ACOT12: variants seen among roughly 807,000 people sequenced by gnomAD.
The protein encoded by ACOT12 is acyl-CoA thioesterase 12, also known as acetyl-coenzyme A thioesterase.
ACOT12 carries 51 observed loss-of-function variants against 67.7 expected under a neutral mutation model. The ratio of observed to expected loss-of-function variants is 0.75; its 90% CI spans 0.60 to 0.95. The LOEUF is 0.95. Among genes scored for constraint, ACOT12 ranks in the 40% least tolerant of loss-of-function variants. ACOT12 has a pLI of 0.00. For synonymous variants in ACOT12, 251 were observed against 244.6 expected, an observed-to-expected ratio of 1.03 and a Z score of -0.24; for missense variants, 734 against 708.1, an observed-to-expected ratio of 1.04 and a Z score of -0.41.
At chr5:81,377,378 A>G (rs560161681) in intron 2 of ACOT12, among the ~76,000 whole-genome samples, 29 of 152,324 alleles carry the variant, frequency 1.9e-4, no homozygotes, top group African/African-American at 6.5e-4. Context: ...CCCACAGCCA[A>G]TATAATACTG....
Position 81,394,134 on chromosome 5 carries a change from C to G in ACOT12, c.-20G>C, listed in dbSNP as rs13178695. On this transcript the variant is annotated 5_prime_UTR_variant, in exon 1 of 15. Transcript: ENST00000307624. The stretch of plus-strand genomic sequence containing the variant: ...CTCCATGGCCAGGGCGAGAGCGCTA[C>G]GCCTGCGGCCCCCGACACCCCACCA... 9.9e-5 allele frequency: 139 copies of G among 1,406,020 alleles called. No homozygotes were observed. The highest frequency in any genetic ancestry group is 5.0e-4 in the Middle Eastern group (2 of 3,986). 87.1% of individuals were successfully genotyped at this position (1,406,020 alleles called of 1,614,324 possible).
At position 81,345,951 on chromosome 5, in the gene ACOT12, CG is replaced by C; in HGVS notation, c.706del (p.Arg236GlyfsTer90). Reference protein sequence around the residue: ...FLKSVDMFKFRGPSTVGDRLV... With the variant: ...FLKSVDMFKFXGPSTVGDRLV... ...ACGATCTCCAACTGTAGATGGTCCC[CG>C]GAACTTAAACATATCTACGGACTTC... On this transcript the variant is annotated frameshift_variant, in exon 7 of 15. Transcript: ENST00000307624. LOFTEE classifies it high-confidence loss of function. 6.2e-7 allele frequency: 1 copy of C among 1,613,912 alleles called. No homozygotes were observed. Among genetic ancestry groups the C allele is most frequent in the Non-Finnish European group, 8.5e-7 (1 of 1,179,924 alleles).
chr5:81,321,563 A>C, the ACOT12 span, among the ~76,000 whole-genome samples: 4 of 152,234 alleles, frequency 2.6e-5, no homozygotes, highest in Non-Finnish European at 5.9e-5. Flanking sequence ...ACAAACAAAC[A>C]AAAAACTACC....
chr5:81,391,662 G>A (rs1322297624), intron 1 of ACOT12, among the ~76,000 whole-genome samples: 1 of 152,212 alleles, frequency 6.6e-6, no homozygotes, highest in Non-Finnish European at 1.5e-5. Context: ...TACTTTAGAA[G>A]CAGTGTGGAG....
chr5:81,339,283 G>A (rs1759112934), intron 11 of ACOT12, among the ~76,000 whole-genome samples: 1 of 152,210 alleles, frequency 6.6e-6, no homozygotes, highest in Non-Finnish European at 1.5e-5. Flanking sequence ...GCGGAGCTCT[G>A]GGCCCAGCCC....
chr5:81,363,949 A>T lies in ACOT12; in HGVS notation c.259-60T>A, dbSNP rs1311483069. On this transcript the variant is annotated intron_variant, in intron 3 of 14. Coordinates refer to ENST00000307624, the MANE Select transcript of ACOT12 (RefSeq NM_130767.3). ...GGCCAGTTCAGATTTCAGCATTCAA[A>T]ATTTAGTCATATGTATGCACCATTA... The T allele has an allele frequency of 3.2e-6, 4 of 1,254,290 alleles. No homozygotes were observed. The African/African-American group carries it at 6.1e-5, about 19-fold the overall frequency. The allele number at this position is 1,254,290 out of a possible 1,614,324, so 77.7% of individuals were successfully genotyped here.
intron 5 of ACOT12, among the ~76,000 whole-genome samples, chr5:81,350,494 T>C (rs1451427991): frequency 3.9e-5 from 6 of 152,228 alleles, no homozygotes; most frequent in African/African-American, 1.2e-4. Flanking sequence ...CTTCCAGATC[T>C]TGAAGCCTTG....
the ACOT12 span, among the ~76,000 whole-genome samples, chr5:81,316,092 G>A: frequency 6.6e-6 from 1 of 152,174 alleles, no homozygotes; most frequent in East Asian, 1.9e-4. Context: ...GGTGGGGGCA[G>A]TATCACACTG....
chr5:81,346,138 G>T, intron 6 of ACOT12, 134 bp from the exon 7 acceptor site: 1 of 1,368,816 alleles, frequency 7.3e-7, no homozygotes, highest in Non-Finnish European at 9.7e-7. Context: ...GTGGGTTGAG[G>T]GTAGGTCTGC....
At chr5:81,339,894 T>C (rs1192607881) in intron 11 of ACOT12, among the ~76,000 whole-genome samples, 1 of 133,788 alleles carries the variant, frequency 7.5e-6, no homozygotes, top group East Asian at 1.9e-4. Context: ...GGAAAAAACA[T>C]GATTTTTTTT....
intron 11 of ACOT12, among the ~76,000 whole-genome samples, chr5:81,336,510 C>T (rs1759008622): frequency 1.3e-5 from 2 of 152,160 alleles, no homozygotes. Flanking sequence ...TTCCTGGTTT[C>T]CTAATGCACA....
chr5:81,363,823 A>C lies in ACOT12; in HGVS notation c.325T>G (p.Ser109Ala). 1 of 1,612,226 alleles carries C rather than the reference A, an allele frequency of 6.2e-7. No individual in the cohort carries two copies. The highest frequency in any genetic ancestry group is 1.7e-5 in the Admixed American group (1 of 59,812). Residue 109 changes from serine (S) to alanine (A), a missense_variant, in exon 4 of 15, where the codon TCC becomes GCC. Coordinates refer to ENST00000307624, the MANE Select transcript of ACOT12 (RefSeq NM_130767.3). ...CCAACTGGTTTGGCTACAAATGTGG[A>C]GAAAGCCACACTAACAAGCTTCTCA... is the stretch of plus-strand genomic sequence containing the variant. ...GIEKLVSVAF[S>A]TFVAKPVGKE...
intron 2 of ACOT12, among the ~76,000 whole-genome samples, chr5:81,374,099 A>G (rs1289560909): frequency 2.6e-5 from 4 of 152,178 alleles, no homozygotes; most frequent in Non-Finnish European, 5.9e-5. Flanking sequence ...TCTGGCTGGC[A>G]TCTGGCAGGT....
At position 81,381,351 on chromosome 5, in the gene ACOT12, GAGCCCCTGCACCCGGCC is replaced by G. The variant is rs574068116; in HGVS notation, c.197+4389_197+4405del. ...TCCAAAGTGCAGGGATTACAGGCGT[GAGCCCCTGCACCCGGCC>G]AGTATTAAAATCTTATGGGACCACT... On this transcript the variant is annotated intron_variant, in intron 2 of 14. Coordinates refer to ENST00000307624, the MANE Select transcript of ACOT12 (RefSeq NM_130767.3). 1.1e-4 allele frequency among the ~76,000 whole-genome samples: 17 copies of G among 152,240 alleles called. No individual in the cohort carries two copies. In the South Asian group the frequency reaches 3.1e-3, roughly 28 times the overall value.
chr5:81,340,950 T>C (rs1236578625), intron 11 of ACOT12, among the ~76,000 whole-genome samples: 3 of 152,204 alleles, frequency 2.0e-5, no homozygotes, highest in African/African-American at 7.2e-5. Context: ...GAATTAATCA[T>C]TGATAGCTCT....
intron 1 of ACOT12, among the ~76,000 whole-genome samples, chr5:81,388,750 G>A (rs993966095): frequency 1.3e-5 from 2 of 152,186 alleles, no homozygotes; most frequent in Admixed American, 6.5e-5. Flanking sequence ...CTCATCTTGA[G>A]TTGTAGCTCC....
At chr5:81,334,946 G>T (rs962527461) in intron 12 of ACOT12, among the ~76,000 whole-genome samples, 4 of 152,146 alleles carry the variant, frequency 2.6e-5, no homozygotes, top group Non-Finnish European at 5.9e-5. Flanking sequence ...TCATCAGGAG[G>T]GGGAGCAGGA....
At chr5:81,387,573 C>T (rs1760763160) in intron 1 of ACOT12, among the ~76,000 whole-genome samples, 2 of 146,938 alleles carry the variant, frequency 1.4e-5, no homozygotes, top group South Asian at 4.3e-4. Context: ...GTCTGTATCA[C>T]CTAGGCTGGA....
intron 3 of ACOT12, among the ~76,000 whole-genome samples, chr5:81,369,208 T>C (rs549297421): frequency 6.2e-4 from 93 of 149,118 alleles, no homozygotes; most frequent in Middle Eastern, 7.2e-3. Context: ...AATGAGACAA[T>C]ATCATCTATT....
Sources: gnomAD v4.1 joint callset for allele counts (sites outside exome capture counted in the v4.1 genomes callset) on GRCh38, gnomAD v4.1.1 for gene constraint, MANE v1.5 for transcripts, NCBI Gene and HGNC (gene_info 2026-07-23, HGNC 2026-07-21) for gene names.